Variants in ZNF804A observed in about 807,000 individuals in gnomAD.
The protein encoded by ZNF804A is zinc finger protein 804A.
A neutral mutation model predicts 16.5 loss-of-function variants in ZNF804A; 2 were observed. That is an observed-to-expected ratio of 0.12 (90% CI 0.05 to 0.38). The LOEUF (loss-of-function observed/expected upper bound fraction) is 0.38. Ranked by LOEUF, ZNF804A falls within the 10% of genes least tolerant of loss-of-function variation. ZNF804A has a pLI of 0.99. For synonymous variants in ZNF804A, 534 were observed against 489.6 expected (o/e 1.09, Z -1.20); for missense variants, 1,473 against 1,390.7 (o/e 1.06, Z -0.94).
intron 1 of ZNF804A, among the ~76,000 whole-genome samples, chr2:184,780,887 C>T (rs1379739795): frequency 6.6e-6 from 1 of 151,734 alleles, no homozygotes; most frequent in Non-Finnish European, 1.5e-5. Flanking sequence ...TAGTTATTTA[C>T]TCCACTTGCA....
At chr2:184,846,811 T>C (rs929316436) in intron 1 of ZNF804A, among the ~76,000 whole-genome samples, 1 of 152,074 alleles carries the variant, frequency 6.6e-6, no homozygotes, top group Admixed American at 6.6e-5. Context: ...GGCTACTTCT[T>C]CCATTAGAGT....
At chr2:184,694,260 A>C (rs1559128247) in intron 1 of ZNF804A, among the ~76,000 whole-genome samples, 1 of 151,912 alleles carries the variant, frequency 6.6e-6, no homozygotes, top group Non-Finnish European at 1.5e-5. Flanking sequence ...AGTCTTTATT[A>C]GAGTTCCTAA....
intron 1 of ZNF804A, among the ~76,000 whole-genome samples, chr2:184,729,359 G>A (rs1005982932): frequency 1.3e-5 from 2 of 151,250 alleles, no homozygotes; most frequent in South Asian, 2.1e-4. Context: ...GAAATTAAAG[G>A]GTCTCAGCTC....
chr2:184,853,481 A>T (rs1297890488), intron 1 of ZNF804A, among the ~76,000 whole-genome samples: 1 of 151,898 alleles, frequency 6.6e-6, no homozygotes, highest in Non-Finnish European at 1.5e-5. Context: ...TTCTGATATC[A>T]GAGGAAAAGC....
At chr2:184,760,203 C>T (rs1370624477) in intron 1 of ZNF804A, among the ~76,000 whole-genome samples, 1 of 152,058 alleles carries the variant, frequency 6.6e-6, no homozygotes, top group Non-Finnish European at 1.5e-5. Context: ...TTGGCTTGGG[C>T]TCAGAGGCCT....
At chr2:184,649,146 T>G (rs1314332832) in intron 1 of ZNF804A, among the ~76,000 whole-genome samples, 1 of 152,084 alleles carries the variant, frequency 6.6e-6, no homozygotes, top group Non-Finnish European at 1.5e-5. Flanking sequence ...ACCGTGAAAT[T>G]ACATAGAAAT....
At chr2:184,831,877 T>C (rs1695266465) in intron 1 of ZNF804A, among the ~76,000 whole-genome samples, 1 of 151,978 alleles carries the variant, frequency 6.6e-6, no homozygotes. Context: ...GCCAGGAATA[T>C]AAATGGAACC....
At chr2:184,744,010 T>A (rs1427522634) in intron 1 of ZNF804A, among the ~76,000 whole-genome samples, 1 of 151,960 alleles carries the variant, frequency 6.6e-6, no homozygotes, top group Non-Finnish European at 1.5e-5. Flanking sequence ...TATGGTAATA[T>A]CTTATTTTAA....
chr2:184,839,552 T>C (rs1411598063), intron 1 of ZNF804A, among the ~76,000 whole-genome samples: 2 of 151,744 alleles, frequency 1.3e-5, no homozygotes, highest in Non-Finnish European at 2.9e-5. Context: ...AAAGAAACTA[T>C]AAACAGGTTG....
chr2:184,693,521 A>G (rs1474025491), intron 1 of ZNF804A, among the ~76,000 whole-genome samples: 1 of 152,196 alleles, frequency 6.6e-6, no homozygotes, highest in Non-Finnish European at 1.5e-5. Context: ...ATAAGTATTC[A>G]TATATGCAGG....
intron 1 of ZNF804A, among the ~76,000 whole-genome samples, chr2:184,702,044 G>T (rs1692927427): frequency 6.6e-6 from 1 of 151,746 alleles, no homozygotes; most frequent in Non-Finnish European, 1.5e-5. Context: ...TAAAATAAGA[G>T]CTAGAAGGAA....
At chr2:184,654,576 A>G (rs534796692) in intron 1 of ZNF804A, among the ~76,000 whole-genome samples, 1 of 152,112 alleles carries the variant, frequency 6.6e-6, no homozygotes, top group South Asian at 2.1e-4. Context: ...CTCACTTGTG[A>G]TAGGTAGACC....
intron 1 of ZNF804A, among the ~76,000 whole-genome samples, chr2:184,835,550 A>G (rs1437521129): frequency 6.6e-6 from 1 of 152,056 alleles, no homozygotes; most frequent in Non-Finnish European, 1.5e-5. Flanking sequence ...AACCTGGTCC[A>G]GAGTCCAAGC....
chr2:184,865,154 G>A (rs1359534365), intron 1 of ZNF804A, among the ~76,000 whole-genome samples: 2 of 151,944 alleles, frequency 1.3e-5, no homozygotes, highest in African/African-American at 2.4e-5. Context: ...TGCTGGGACT[G>A]CAGGCATGAG....
chr2:184,681,266 C>T (rs540518013), intron 1 of ZNF804A, among the ~76,000 whole-genome samples: 1 of 152,170 alleles, frequency 6.6e-6, no homozygotes, highest in East Asian at 1.9e-4. Flanking sequence ...CAAGGAGAGA[C>T]TTCAAGAGCC....
intron 1 of ZNF804A, among the ~76,000 whole-genome samples, chr2:184,611,032 G>A (rs1038068879): frequency 6.6e-6 from 1 of 152,160 alleles, no homozygotes; most frequent in East Asian, 1.9e-4. Flanking sequence ...CAACAGAAAT[G>A]TACTTCTCAC....
intron 1 of ZNF804A, among the ~76,000 whole-genome samples, chr2:184,762,235 T>A (rs1694049933): frequency 6.6e-6 from 1 of 151,050 alleles, no homozygotes. Context: ...CCTATGGTTA[T>A]ATTCATTCAT....
chr2:184,790,465 T>C lies in ZNF804A; in HGVS notation c.112-75904T>C, dbSNP rs867005238. On this transcript the variant is annotated intron_variant, in intron 1 of 3. Coordinates refer to ENST00000302277, the MANE Select transcript of ZNF804A (RefSeq NM_194250.2). The stretch of plus-strand genomic sequence containing the variant: ...TTGAGGTCCCCCAGTATTATTTTAT[T>C]ACTATCAATCTGTTTTCTTAGATAT... Among the ~76,000 whole-genome samples, 10 of 152,210 alleles carry C rather than the reference T, an allele frequency of 6.6e-5. 1 individual carries two copies. Among genetic ancestry groups the C allele is most frequent in the Middle Eastern group, 3.4e-3 (1 of 292 alleles).
chr2:184,698,890 G>A (rs78498821), intron 1 of ZNF804A, among the ~76,000 whole-genome samples: 36 of 152,170 alleles, frequency 2.4e-4, no homozygotes, highest in Non-Finnish European at 4.4e-4. Context: ...CAATTCAGCT[G>A]AATTGCTTTC....
Sources: gnomAD v4.1 joint callset for allele counts (sites outside exome capture counted in the v4.1 genomes callset) on GRCh38, gnomAD v4.1.1 for gene constraint, MANE v1.5 for transcripts, NCBI Gene and HGNC (gene_info 2026-07-23, HGNC 2026-07-21) for gene names.